Variants in EIF3H observed in about 807,000 individuals in gnomAD.
EIF3H encodes eIF-3-gamma.
In EIF3H, 26 loss-of-function variants were observed where a neutral mutation model predicts 44.2. The ratio of observed to expected loss-of-function variants is 0.59; its 90% confidence interval spans 0.43 to 0.82. EIF3H has a LOEUF of 0.82. Ranked by LOEUF, EIF3H falls within the 40% of genes least tolerant of loss-of-function variation. The pLI is 0.00. For missense variants in EIF3H, 359 were observed against 432.8 expected (o/e 0.83, Z 1.51); for synonymous variants, 166 against 151.9 (o/e 1.09, Z -0.68).
At chr8:116,702,952 A>G (rs1246847158) in intron 2 of EIF3H, among the ~76,000 whole-genome samples, 2 of 152,170 alleles carry the variant, frequency 1.3e-5, no homozygotes, top group Non-Finnish European at 2.9e-5. Context: ...TTAGATTCTC[A>G]TAAGGAATGT....
At chr8:116,651,354 GCTGGTTA>G (rs1813390524) in intron 5 of EIF3H, among the ~76,000 whole-genome samples, 1 of 152,188 alleles carries the variant, frequency 6.6e-6, no homozygotes, top group South Asian at 2.1e-4. Context: ...TCTTCTGGCA[GCTGGTTA>G]CTACATTTAC....
At chr8:116,741,197 T>G (rs1422456784) in intron 1 of EIF3H, among the ~76,000 whole-genome samples, 1 of 152,220 alleles carries the variant, frequency 6.6e-6, no homozygotes, top group African/African-American at 2.4e-5. Flanking sequence ...AAAATATGCC[T>G]AGTTACCCTT....
At chr8:116,647,106 C>T (rs1023899745) in intron 6 of EIF3H, among the ~76,000 whole-genome samples, 12 of 150,590 alleles carry the variant, frequency 8.0e-5, no homozygotes, top group Admixed American at 2.0e-4. Flanking sequence ...TTTTTTTTGA[C>T]ACAGAGTCTC....
At chr8:116,716,372 A>AAG (rs1193979403) in intron 2 of EIF3H, among the ~76,000 whole-genome samples, 2 of 152,070 alleles carry the variant, frequency 1.3e-5, no homozygotes, top group African/African-American at 4.8e-5. Context: ...TTAAATGAAA[A>AAG]AGGCACTAAA....
intron 2 of EIF3H, among the ~76,000 whole-genome samples, chr8:116,676,459 G>A (rs117414041): frequency 5.5e-4 from 84 of 152,300 alleles, no homozygotes; most frequent in Admixed American, 3.7e-3. Context: ...GCAAAGGGGG[G>A]AAGAGCCTCT....
At chr8:116,664,079 C>A (rs545524507) in intron 2 of EIF3H, among the ~76,000 whole-genome samples, 140 of 152,236 alleles carry the variant, frequency 9.2e-4, no homozygotes, top group African/African-American at 3.2e-3. Context: ...ATCTCTTCAA[C>A]TTCTGCAATT....
At chr8:116,719,681 T>TA (rs1295965038) in intron 2 of EIF3H, among the ~76,000 whole-genome samples, 4 of 152,058 alleles carry the variant, frequency 2.6e-5, no homozygotes, top group Non-Finnish European at 1.5e-5. Context: ...CAAATATTTT[T>TA]AAAAAAAGAA....
intron 2 of EIF3H, among the ~76,000 whole-genome samples, chr8:116,660,228 TGAGTAAAC>T (rs1470951812): frequency 6.6e-6 from 1 of 152,226 alleles, no homozygotes; most frequent in Non-Finnish European, 1.5e-5. Context: ...ATGACCATGC[TGAGTAAAC>T]GTATTTGCTT....
intron 6 of EIF3H, among the ~76,000 whole-genome samples, chr8:116,647,281 T>C (rs1036520651): frequency 1.3e-5 from 2 of 152,114 alleles, no homozygotes; most frequent in African/African-American, 4.8e-5. Flanking sequence ...TTTGTATTTT[T>C]AGTACAGACA....
At chr8:116,714,464 G>T (rs533483673) in intron 2 of EIF3H, among the ~76,000 whole-genome samples, 2 of 152,000 alleles carry the variant, frequency 1.3e-5, no homozygotes, top group African/African-American at 4.8e-5. Context: ...GCAGGATTTG[G>T]TGTCTTTGTA....
At chr8:116,676,532 GC>G (rs746310205) in intron 2 of EIF3H, among the ~76,000 whole-genome samples, 2 of 152,066 alleles carry the variant, frequency 1.3e-5, no homozygotes, top group Non-Finnish European at 2.9e-5. Flanking sequence ...GGGGGAAACC[GC>G]CCCCCATGAT....
intron 7 of EIF3H, among the ~76,000 whole-genome samples, chr8:116,645,955 A>G (rs1813289303): frequency 6.6e-6 from 1 of 152,228 alleles, no homozygotes; most frequent in Non-Finnish European, 1.5e-5. Context: ...ATATATTCAA[A>G]ATCAAGTCCT....
At chr8:116,656,859 C>T (rs921246327) in intron 4 of EIF3H, among the ~76,000 whole-genome samples, 11 of 152,062 alleles carry the variant, frequency 7.2e-5, no homozygotes, top group Admixed American at 2.6e-4. Flanking sequence ...AACAAGGGTT[C>T]GGAAAATAAG....
At chr8:116,739,242 G>A (rs1412082392) in intron 1 of EIF3H, among the ~76,000 whole-genome samples, 2 of 152,244 alleles carry the variant, frequency 1.3e-5, no homozygotes, top group East Asian at 1.9e-4. Flanking sequence ...TTCTGCTGCA[G>A]ATAACTAGCC....
Position 116,755,293 on chromosome 8 carries a change from T to C in EIF3H, c.132+373A>G, listed in dbSNP as rs575638137. Reference sequence around the variant, plus strand: ...AGATCCCAGCAGGGAATCAGTGGAGTTTCCTTACTCTCTCCTTCCCAGAGC... The same window carrying C: ...AGATCCCAGCAGGGAATCAGTGGAGCTTCCTTACTCTCTCCTTCCCAGAGC... On this transcript the variant is annotated intron_variant, in intron 1 of 7. Transcript: ENST00000521861. 1.8e-4 allele frequency among the ~76,000 whole-genome samples: 27 copies of C among 151,932 alleles called. 1 individual carries two copies. Among genetic ancestry groups the C allele is most frequent in the Admixed American group, 7.2e-4 (11 of 15,264 alleles).
intron 2 of EIF3H, among the ~76,000 whole-genome samples, chr8:116,684,770 C>T (rs1814046225): frequency 6.6e-6 from 1 of 152,144 alleles, no homozygotes; most frequent in African/African-American, 2.4e-5. Flanking sequence ...CAAAACAACA[C>T]AGCATTTTAC....
chr8:116,689,004 G>A, intron 2 of EIF3H: 1 of 391,066 alleles, frequency 2.6e-6, no homozygotes, highest in South Asian at 1.9e-5. Context: ...TGTACACACA[G>A]ATTTACAGCA....
intron 2 of EIF3H, among the ~76,000 whole-genome samples, chr8:116,709,466 T>C: frequency 6.6e-6 from 1 of 152,098 alleles, no homozygotes; most frequent in South Asian, 2.1e-4. Context: ...AGGGATCACA[T>C]GTTTTATCAA....
chr8:116,764,924 A>G (rs1167334575), intron 1 of EIF3H, among the ~76,000 whole-genome samples: 1 of 152,220 alleles, frequency 6.6e-6, no homozygotes, highest in African/African-American at 2.4e-5. Context: ...GAGCTTGGGG[A>G]AAAAATGTGC....
Sources: gnomAD v4.1 joint callset for allele counts (sites outside exome capture counted in the v4.1 genomes callset) on GRCh38, gnomAD v4.1.1 for gene constraint, MANE v1.5 for transcripts, NCBI Gene and HGNC (gene_info 2026-07-23, HGNC 2026-07-21) for gene names.